QTGAL: variants seen among roughly 807,000 people sequenced by gnomAD.
QTGAL encodes queuosine-tRNA galactosyltransferase.
chr17:83,013,118 C>A, the QTGAL span, among the ~76,000 whole-genome samples: 2 of 152,142 alleles, frequency 1.3e-5, no homozygotes, highest in African/African-American at 4.8e-5. Flanking sequence ...AACACGTGAC[C>A]CTTTTAAGAA....
At chr17:83,006,593 C>T in the QTGAL span, 4 of 985,342 alleles carry the variant, frequency 4.1e-6, no homozygotes, top group Non-Finnish European at 4.8e-6. This position sits in a 1 kb window ranked among gnomAD's most constrained non-coding sequence, Gnocchi z 5.8. Flanking sequence ...CACTGGCAGC[C>T]CCTCAACGGC....
the QTGAL span, among the ~76,000 whole-genome samples, chr17:83,002,154 G>A: frequency 6.6e-6 from 1 of 151,622 alleles, no homozygotes. Context: ...AAAGAACATT[G>A]ATTCATTTTA....
the QTGAL span, among the ~76,000 whole-genome samples, chr17:83,017,227 G>C: frequency 1.2e-4 from 19 of 152,154 alleles, no homozygotes; most frequent in Admixed American, 3.9e-4. Context: ...TTGGTTAAAG[G>C]GCACAAAACT....
chr17:82,942,704 A>G, the QTGAL span: 1 of 601,562 alleles, frequency 1.7e-6, no homozygotes, highest in Non-Finnish European at 3.0e-6. Flanking sequence ...TGTACCAAGA[A>G]GTTCCTGCCT....
At chr17:83,048,772 G>A in the QTGAL span, 38 of 1,613,488 alleles carry the variant, frequency 2.4e-5, no homozygotes, top group South Asian at 3.2e-4. Flanking sequence ...GTTGTGGACT[G>A]GGAGGATAAT....
chr17:83,019,253 C>A, the QTGAL span, among the ~76,000 whole-genome samples: 2 of 151,916 alleles, frequency 1.3e-5, no homozygotes, highest in African/African-American at 2.4e-5. Context: ...AACCCTGGGG[C>A]GTCAAATTAC....
At chr17:82,946,432 T>C in the QTGAL span, among the ~76,000 whole-genome samples, 1 of 152,178 alleles carries the variant, frequency 6.6e-6, no homozygotes, top group Non-Finnish European at 1.5e-5. Context: ...TCTTAGAAGA[T>C]ACTAAAGCAA....
At chr17:83,002,697 C>T in the QTGAL span, among the ~76,000 whole-genome samples, 16 of 152,310 alleles carry the variant, frequency 1.1e-4, no homozygotes, top group Middle Eastern at 3.4e-3. Flanking sequence ...CGGGCGGCCC[C>T]GTGTCCAGTC....
the QTGAL span, among the ~76,000 whole-genome samples, chr17:83,038,071 C>T: frequency 1.3e-5 from 2 of 152,186 alleles, no homozygotes; most frequent in Non-Finnish European, 1.5e-5. Context: ...AGTGGGGCTC[C>T]GTTAGTGCAT....
chr17:82,952,154 TTGACTTGGATTAGTTGTG>T, the QTGAL span, among the ~76,000 whole-genome samples: 1 of 152,242 alleles, frequency 6.6e-6, no homozygotes, highest in Non-Finnish European at 1.5e-5. Flanking sequence ...CTGCCTGGAC[TTGACTTGGATTAGTTGTG>T]TGACAGCTCA....
At chr17:82,993,516 T>C in the QTGAL span, among the ~76,000 whole-genome samples, 2 of 152,048 alleles carry the variant, frequency 1.3e-5, no homozygotes, top group Admixed American at 1.3e-4. Flanking sequence ...CTCAATATAA[T>C]AACATCTGGA....
the QTGAL span, among the ~76,000 whole-genome samples, chr17:82,993,690 T>G: frequency 6.6e-6 from 1 of 151,968 alleles, no homozygotes; most frequent in African/African-American, 2.4e-5. Flanking sequence ...CACATTCTTT[T>G]CCGCAGCACA....
At chr17:82,991,876 AAAG>A in the QTGAL span, among the ~76,000 whole-genome samples, 5 of 152,192 alleles carry the variant, frequency 3.3e-5, no homozygotes, top group African/African-American at 9.7e-5. Flanking sequence ...AAATAATTAA[AAAG>A]AAGCAGAAAT....
At chr17:82,957,245 A>G in the QTGAL span, 1 of 1,614,132 alleles carries the variant, frequency 6.2e-7, no homozygotes, top group Non-Finnish European at 8.5e-7. Flanking sequence ...ACAGAATGCC[A>G]CCACCTGGGG....
At chr17:83,000,934 GGGT>G in the QTGAL span, among the ~76,000 whole-genome samples, 248 of 152,330 alleles carry the variant, frequency 1.6e-3, 3 homozygotes, top group South Asian at 0.017. Context: ...GGCAGAAAGT[GGGT>G]CATGGTTGCA....
chr17:82,989,789 C>G, the QTGAL span, among the ~76,000 whole-genome samples: 3 of 151,992 alleles, frequency 2.0e-5, no homozygotes, highest in African/African-American at 7.3e-5. Context: ...AAACATAATG[C>G]TGACAATTTA....
chr17:82,985,669 G>A, the QTGAL span, among the ~76,000 whole-genome samples: 1 of 152,064 alleles, frequency 6.6e-6, no homozygotes, highest in Non-Finnish European at 1.5e-5. Flanking sequence ...GCGACCCCAC[G>A]CCTCCCACTG....
chr17:82,994,263 C>T, the QTGAL span, among the ~76,000 whole-genome samples: 1 of 151,410 alleles, frequency 6.6e-6, no homozygotes, highest in Non-Finnish European at 1.5e-5. Context: ...GCCAGACTAA[C>T]AAAAAAAGAG....
At chr17:82,982,426 C>T in the QTGAL span, among the ~76,000 whole-genome samples, 1 of 124,350 alleles carries the variant, frequency 8.0e-6, no homozygotes, top group South Asian at 2.5e-4. Context: ...TCAGATTCAA[C>T]AACAAAACCA....
Sources: gnomAD v4.1 joint callset for allele counts (sites outside exome capture counted in the v4.1 genomes callset) on GRCh38, gnomAD v4.1.1 for gene constraint, Gnocchi (gnomAD v3.1) non-coding constraint, MANE v1.5 for transcripts, NCBI Gene and HGNC (gene_info 2026-07-23, HGNC 2026-07-21) for gene names.